Variants in VIT observed in about 807,000 individuals in gnomAD.
VIT encodes the protein vitrin.
VIT carries 99 observed loss-of-function variants against 78.0 expected under a neutral mutation model. That is an observed-to-expected ratio of 1.27 (90% CI 1.08 to 1.50). VIT has a LOEUF of 1.50. Among genes scored for constraint, VIT ranks in the 40% most tolerant of loss-of-function variants. VIT has a pLI of 0.00. For synonymous variants in VIT, 374 were observed against 334.3 expected, an observed-to-expected ratio of 1.12 and a Z score of -1.29; for missense variants, 1,126 against 875.3, an observed-to-expected ratio of 1.29 and a Z score of -3.61.
chr2:36,767,206 G>A lies in VIT; in HGVS notation c.600G>A (p.Leu200=), dbSNP rs1251344858. 3 of 1,608,834 alleles carry A rather than the reference G, an allele frequency of 1.9e-6. No homozygotes were observed. The highest frequency in any genetic ancestry group is 2.7e-5 in the African/African-American group (2 of 74,712). ...TAGCTGTGGCCACCCCCACCACCTT[G>A]CCAAGGCCATCCCCTTCTGCTGCTT... is the stretch of plus-strand genomic sequence containing the variant. The part of the protein sequence containing the change: ...VTVAVATPTT[L]PRPSPSAAST... The change falls in exon 7 of 16, where the codon TTG becomes TTA. Residue 200 remains leucine, a synonymous_variant. Coordinates refer to ENST00000379242, the MANE Select transcript of VIT (RefSeq NM_053276.4).
intron 7 of VIT, among the ~76,000 whole-genome samples, chr2:36,771,145 C>T (rs1669725642): frequency 6.6e-6 from 1 of 152,074 alleles, no homozygotes. Context: ...AAGAAAAAGA[C>T]AAATATTCCA....
rs564479882 is a variant in VIT at position 36,805,407 on chromosome 2, A to G, written c.1163-31A>G. The stretch of plus-strand genomic sequence containing the variant: ...TCCTGTATTTATAATCAGCGTGATC[A>G]CTCCAAGCATGAATTTTCTTTTTCT... On this transcript the variant is annotated intron_variant, in intron 13 of 15. Coordinates refer to ENST00000379242, the MANE Select transcript of VIT (RefSeq NM_053276.4). 2.1e-5 allele frequency: 32 copies of G among 1,548,898 alleles called. No homozygotes were observed. In the African/African-American group the frequency reaches 4.3e-4, roughly 21 times the overall value.
intron 9 of VIT, among the ~76,000 whole-genome samples, chr2:36,776,949 C>T (rs561848728): frequency 1.4e-3 from 210 of 149,012 alleles, no homozygotes; most frequent in Non-Finnish European, 2.4e-3. Context: ...ATTAGCCAGG[C>T]GTGGTGGCGG....
intron 9 of VIT, among the ~76,000 whole-genome samples, chr2:36,781,033 T>C (rs1434271082): frequency 6.3e-5 from 1 of 15,958 alleles, no homozygotes; most frequent in East Asian, 0.056. Context: ...CACCAGTTTG[T>C]GGTTGAAGGC....
intron 1 of VIT, among the ~76,000 whole-genome samples, chr2:36,707,629 C>T (rs1048955519): frequency 3.9e-5 from 6 of 152,158 alleles, no homozygotes; most frequent in Admixed American, 3.9e-4. Flanking sequence ...CTCTCAGTGG[C>T]CGGGCTGCAC....
At chr2:36,699,074 C>T (rs1467601559) in intron 1 of VIT, among the ~76,000 whole-genome samples, 1 of 152,016 alleles carries the variant, frequency 6.6e-6, no homozygotes, top group African/African-American at 2.4e-5. Context: ...TCCCATGATG[C>T]TGTGTCCACA....
intron 1 of VIT, among the ~76,000 whole-genome samples, chr2:36,700,324 AGAC>A (rs1358342195): frequency 2.0e-5 from 3 of 152,170 alleles, no homozygotes; most frequent in African/African-American, 4.8e-5. Context: ...GGTTTGCAGA[AGAC>A]AGTGAAAATC....
At chr2:36,720,186 C>A (rs899197884) in intron 2 of VIT, among the ~76,000 whole-genome samples, 2 of 152,044 alleles carry the variant, frequency 1.3e-5, no homozygotes, top group Non-Finnish European at 1.5e-5. Flanking sequence ...AAGGCCAAAG[C>A]AATCCTGAGC....
chr2:36,719,107 C>A (rs1666337695), intron 2 of VIT, among the ~76,000 whole-genome samples: 1 of 152,248 alleles, frequency 6.6e-6, no homozygotes, highest in African/African-American at 2.4e-5. Context: ...TGTCCCCTGC[C>A]TTTCTCAGCC....
intron 10 of VIT, among the ~76,000 whole-genome samples, chr2:36,782,106 C>G (rs1299683252): frequency 6.6e-6 from 1 of 152,210 alleles, no homozygotes; most frequent in Non-Finnish European, 1.5e-5. Context: ...CCACTTCCTC[C>G]TTTGCAAAAT....
chr2:36,716,109 T>C (rs1274967000), intron 1 of VIT, among the ~76,000 whole-genome samples: 1 of 152,216 alleles, frequency 6.6e-6, no homozygotes, highest in East Asian at 1.9e-4. Context: ...TAAGTAAACA[T>C]CAAATATTTG....
chr2:36,781,172 G>T (rs1240817592), intron 9 of VIT, among the ~76,000 whole-genome samples: 11 of 152,218 alleles, frequency 7.2e-5, no homozygotes, highest in Admixed American at 5.2e-4. Flanking sequence ...TATTTGTTCA[G>T]TGTAGTTCCA....
intron 15 of VIT, among the ~76,000 whole-genome samples, chr2:36,813,450 A>G (rs577991342): frequency 6.6e-6 from 1 of 152,238 alleles, no homozygotes; most frequent in African/African-American, 2.4e-5. Context: ...TTCTGTCTCA[A>G]ACAAACAAAC....
chr2:36,717,368 G>C lies in VIT; in HGVS notation c.52+946G>C, dbSNP rs868726664. Among the ~76,000 whole-genome samples the C allele has an allele frequency of 4.8e-3, 688 of 144,732 alleles. 4 individuals are homozygous for C. The highest frequency in any genetic ancestry group is 0.017 in the African/African-American group (655 of 38,138). The allele number at this position is 144,732 out of a possible 152,430, so 94.9% of individuals were successfully genotyped here. ...TGTGTGTGTGTGTGTGTGTGTGTGT[G>C]TGTGTGTGTGTGTGTGTGTGTGTGT... On this transcript the variant is annotated intron_variant, in intron 2 of 15. Coordinates refer to ENST00000379242, the MANE Select transcript of VIT (RefSeq NM_053276.4).
At chr2:36,702,600 C>T (rs1177931942) in intron 1 of VIT, among the ~76,000 whole-genome samples, 1 of 152,174 alleles carries the variant, frequency 6.6e-6, no homozygotes, top group South Asian at 2.1e-4. Context: ...CTCTGCCTTG[C>T]GCCTTTACCT....
chr2:36,811,480 A>G (rs751980633), intron 15 of VIT, among the ~76,000 whole-genome samples: 3 of 152,140 alleles, frequency 2.0e-5, no homozygotes, highest in Non-Finnish European at 4.4e-5. Context: ...TATGCAAATT[A>G]CCTGGAGGCA....
At chr2:36,755,663 G>A (rs549330483) in intron 5 of VIT, among the ~76,000 whole-genome samples, 104 of 152,224 alleles carry the variant, frequency 6.8e-4, no homozygotes, top group African/African-American at 2.2e-3. Context: ...ATCCATTGCC[G>A]ATCCTCACTG....
At chr2:36,703,909 G>GT (rs770921016) in intron 1 of VIT, among the ~76,000 whole-genome samples, 18 of 116,490 alleles carry the variant, frequency 1.5e-4, no homozygotes, top group African/African-American at 4.1e-4. Flanking sequence ...TTTGTTTGGG[G>GT]TTTTTTTTTG....
chr2:36,782,628 C>G (rs1249693374), intron 10 of VIT, among the ~76,000 whole-genome samples: 1 of 152,120 alleles, frequency 6.6e-6, no homozygotes, highest in Non-Finnish European at 1.5e-5. Context: ...TAAAAGGATT[C>G]GCTTTTATTG....
Sources: gnomAD v4.1 joint callset for allele counts (sites outside exome capture counted in the v4.1 genomes callset) on GRCh38, gnomAD v4.1.1 for gene constraint, MANE v1.5 for transcripts, NCBI Gene and HGNC (gene_info 2026-07-23, HGNC 2026-07-21) for gene names.